Variants in MTPAP observed in about 807,000 individuals in gnomAD.
MTPAP encodes the protein mitochondrial poly(A) polymerase, also known as poly(A) RNA polymerase, mitochondrial.
A neutral mutation model predicts 48.7 loss-of-function variants in MTPAP; 23 were observed. The ratio of observed to expected loss-of-function variants is 0.47; its 90% CI spans 0.34 to 0.67. The LOEUF (loss-of-function observed/expected upper bound fraction) is 0.67, where lower values mean the gene tolerates loss of function less well. MTPAP is among the 30% of genes least tolerant of loss of function. MTPAP has a pLI of 0.01. For missense variants in MTPAP, 614 were observed against 694.3 expected, an observed-to-expected ratio of 0.88 and a Z score of 1.30; for synonymous variants, 257 against 254.1, an observed-to-expected ratio of 1.01 and a Z score of -0.11.
Position 30,341,563 on chromosome 10 carries a change from A to G in MTPAP, c.235T>C (p.Leu79=), listed in dbSNP as rs1482411656. Residue 79 remains leucine, a synonymous_variant, in exon 2 of 9, where the codon TTA becomes CTA. Transcript: ENST00000263063. ...ERREQAQRTV[L]IHCPEKISEN... is the part of the protein sequence containing the mutation. ...CTGATTTTCTCTGGGCAATGTATTA[A>G]AACAGTCCGCTGTGCCTGTTCTCGT... The G allele has an allele frequency of 6.2e-7, 1 of 1,614,144 alleles. No individual in the cohort carries two copies. The highest frequency in any genetic ancestry group is 1.7e-5 in the Admixed American group (1 of 60,030).
At chr10:30,346,499 C>A (rs985559062) in intron 1 of MTPAP, among the ~76,000 whole-genome samples, 2 of 152,068 alleles carry the variant, frequency 1.3e-5, no homozygotes, top group Admixed American at 6.6e-5. Context: ...TAATATAGCA[C>A]CTTCTCTTAA....
At chr10:30,324,195 T>C (rs938019698) in intron 5 of MTPAP, among the ~76,000 whole-genome samples, 19 of 146,680 alleles carry the variant, frequency 1.3e-4, no homozygotes, top group Admixed American at 3.3e-4. Context: ...CACACACACA[T>C]ATATATATAT....
At chr10:30,315,626 G>C (rs1201528376) in intron 8 of MTPAP, among the ~76,000 whole-genome samples, 2 of 151,982 alleles carry the variant, frequency 1.3e-5, no homozygotes, top group Admixed American at 1.3e-4. Flanking sequence ...CACAAATCCA[G>C]TTTAAAAACA....
intron 3 of MTPAP, 26 bp from the exon 4 acceptor site, chr10:30,337,053 A>G (rs774259461): frequency 2.8e-5 from 43 of 1,561,744 alleles, no homozygotes; most frequent in Non-Finnish European, 3.7e-5. Flanking sequence ...AAAACCAACA[A>G]AATAGAGAAA....
intron 3 of MTPAP, among the ~76,000 whole-genome samples, chr10:30,337,327 G>A (rs949120848): frequency 6.6e-6 from 1 of 152,190 alleles, no homozygotes; most frequent in African/African-American, 2.4e-5. Context: ...AGGAGGCTGA[G>A]GCAGGAGAAT....
intron 8 of MTPAP, among the ~76,000 whole-genome samples, chr10:30,314,172 G>T (rs1164631872): frequency 1.3e-5 from 2 of 151,008 alleles, no homozygotes; most frequent in Non-Finnish European, 2.9e-5. Flanking sequence ...TTTCCCTGTT[G>T]TAAGTTTTAT....
chr10:30,336,144 T>C (rs1834728400), intron 4 of MTPAP, among the ~76,000 whole-genome samples: 1 of 152,162 alleles, frequency 6.6e-6, no homozygotes, highest in Non-Finnish European at 1.5e-5. Flanking sequence ...ACTGATAGAC[T>C]GGAGTAAAAG....
intron 4 of MTPAP, among the ~76,000 whole-genome samples, chr10:30,334,345 A>G (rs1413199832): frequency 6.6e-6 from 1 of 152,146 alleles, no homozygotes; most frequent in Non-Finnish European, 1.5e-5. Context: ...AGTGCCTTCT[A>G]TTACTGGAAA....
intron 4 of MTPAP, among the ~76,000 whole-genome samples, chr10:30,331,070 T>C (rs955533580): frequency 5.3e-5 from 8 of 152,168 alleles, no homozygotes. Context: ...AGAATCACAA[T>C]GGACTCAGTA....
chr10:30,347,643 G>A (rs1467510511), intron 1 of MTPAP, among the ~76,000 whole-genome samples: 1 of 152,222 alleles, frequency 6.6e-6, no homozygotes, highest in Non-Finnish European at 1.5e-5. Context: ...TGTAATCCCA[G>A]CACTTTGGGA....
chr10:30,346,382 A>G (rs1043185556), intron 1 of MTPAP, among the ~76,000 whole-genome samples: 1 of 152,226 alleles, frequency 6.6e-6, no homozygotes, highest in African/African-American at 2.4e-5. Context: ...GAGGAATAAC[A>G]AAAAGTCTAG....
chr10:30,337,558 G>A (rs1214019926), intron 3 of MTPAP, among the ~76,000 whole-genome samples: 1 of 152,096 alleles, frequency 6.6e-6, no homozygotes, highest in Non-Finnish European at 1.5e-5. Flanking sequence ...AACACAGCAG[G>A]ACCTCGTCTC....
intron 3 of MTPAP, among the ~76,000 whole-genome samples, chr10:30,338,078 T>C (rs1041533805): frequency 1.3e-5 from 2 of 150,554 alleles, no homozygotes; most frequent in South Asian, 2.1e-4. Flanking sequence ...GGCAACGTGA[T>C]GAAACCCTGA....
chr10:30,310,834 G>A lies in MTPAP; in HGVS notation c.*2775C>T, dbSNP rs1158297378. The A allele has an allele frequency of 6.6e-6, 1 of 151,922 alleles. No individual in the cohort carries two copies. Among genetic ancestry groups the A allele is most frequent in the Non-Finnish European group, 1.5e-5 (1 of 68,026 alleles). The allele number at this position is 151,922 out of a possible 1,614,324, so 9.4% of individuals were successfully genotyped here. A position where few individuals can be genotyped will look rare whatever the true frequency, so the allele number is the denominator to read the frequency against. ...GTATCGCTTGAACCCAGGAGGCAGAGGTTGCAGTGAGCCGAGATCGCACCA... is the reference window on the plus strand; with the variant it reads ...GTATCGCTTGAACCCAGGAGGCAGAAGTTGCAGTGAGCCGAGATCGCACCA... On this transcript the variant is annotated 3_prime_UTR_variant, in exon 9 of 9. Coordinates refer to ENST00000263063, the MANE Select transcript of MTPAP (RefSeq NM_018109.4).
chr10:30,343,249 G>C (rs902784955), intron 1 of MTPAP, among the ~76,000 whole-genome samples: 3 of 152,016 alleles, frequency 2.0e-5, no homozygotes, highest in South Asian at 4.2e-4. Context: ...AGGAGTTTGA[G>C]ACCAGCCTGC....
intron 4 of MTPAP, among the ~76,000 whole-genome samples, chr10:30,336,111 C>A (rs1321079977): frequency 1.3e-5 from 2 of 152,154 alleles, no homozygotes; most frequent in African/African-American, 4.8e-5. Context: ...TCAGCAGTAA[C>A]AATAAACATA....
intron 1 of MTPAP, among the ~76,000 whole-genome samples, chr10:30,342,150 C>T (rs1026708976): frequency 1.3e-5 from 2 of 152,118 alleles, no homozygotes; most frequent in Non-Finnish European, 2.9e-5. Flanking sequence ...ACAGGAGAAT[C>T]ACTTGAAACC....
intron 1 of MTPAP, among the ~76,000 whole-genome samples, chr10:30,342,393 G>GA (rs1316190724): frequency 2.0e-5 from 3 of 152,128 alleles, no homozygotes; most frequent in African/African-American, 7.2e-5. Context: ...GTGAGGAACC[G>GA]AAACTGTGGA....
chr10:30,313,242 C>A lies in MTPAP; in HGVS notation c.*367G>T. 1 of 246,224 alleles carries A rather than the reference C, an allele frequency of 4.1e-6. No homozygotes were observed. The highest frequency in any genetic ancestry group is 8.0e-6 in the Non-Finnish European group (1 of 125,576). The allele number at this position is 246,224 out of a possible 1,614,324, so 15.3% of individuals were successfully genotyped here. On this transcript the variant is annotated 3_prime_UTR_variant, in exon 9 of 9. Coordinates refer to ENST00000263063, the MANE Select transcript of MTPAP (RefSeq NM_018109.4). ...AAGCACATTACAATAATCTTTCACC[C>A]ATTCCTTGTGGCTTATGTTTATTTT...
Sources: allele counts gnomAD v4.1 joint callset (sites outside exome capture counted in the v4.1 genomes callset), GRCh38; gene constraint gnomAD v4.1.1; transcripts MANE v1.5; gene names NCBI Gene and HGNC (gene_info 2026-07-23, HGNC 2026-07-21).